Variants in CCSER1 observed in about 807,000 individuals in gnomAD.
CCSER1 encodes coiled-coil serine rich protein 1.
A neutral mutation model predicts 82.0 loss-of-function variants in CCSER1; 41 were observed. That is an observed-to-expected ratio of 0.50 (90% confidence interval 0.39 to 0.65). The LOEUF (loss-of-function observed/expected upper bound fraction) is 0.65, where lower values mean the gene tolerates loss of function less well. Ranked by LOEUF, CCSER1 falls within the 30% of genes least tolerant of loss-of-function variation. The pLI, the probability that CCSER1 is intolerant of heterozygous loss-of-function variation, is 0.00. For synonymous variants in CCSER1, 414 were observed against 383.9 expected, an observed-to-expected ratio of 1.08 and a Z score of -0.92; for missense variants, 1,119 against 1,064.2, an observed-to-expected ratio of 1.05 and a Z score of -0.72.
Position 91,326,604 on chromosome 4 carries a change from CA to C in CCSER1, c.2217+240614del, listed in dbSNP as rs1746579465. On this transcript the variant is annotated intron_variant, in intron 10 of 10. Transcript: ENST00000509176. ...CAAATTCCATGTCCTTCTCTTATTTCAAAACACAATCATGCCTTTCCAGCAG... is the reference window on the plus strand; with the variant it reads ...CAAATTCCATGTCCTTCTCTTATTTCAAACACAATCATGCCTTTCCAGCAG... Among the ~76,000 whole-genome samples the C allele has an allele frequency of 5.3e-5, 8 of 152,234 alleles. No individual in the cohort carries two copies. The South Asian group carries it at 1.7e-3, about 32-fold the overall frequency.
intron 10 of CCSER1, among the ~76,000 whole-genome samples, chr4:91,297,163 T>C (rs1744244634): frequency 1.3e-5 from 2 of 151,870 alleles, no homozygotes; most frequent in South Asian, 4.1e-4. Flanking sequence ...AGAGTGTATA[T>C]CCTCTGAGAA....
chr4:90,701,738 G>A (rs1341119695), intron 6 of CCSER1, among the ~76,000 whole-genome samples: 2 of 152,124 alleles, frequency 1.3e-5, no homozygotes, highest in Non-Finnish European at 2.9e-5. Context: ...TGAAGCAATT[G>A]TGAATGGGAG....
intron 7 of CCSER1, among the ~76,000 whole-genome samples, chr4:90,741,807 T>G (rs1746603777): frequency 6.6e-6 from 1 of 152,154 alleles, no homozygotes; most frequent in Admixed American, 6.5e-5. Context: ...AGATAGACCG[T>G]GAATATGAGA....
At chr4:91,382,492 G>A (rs1750981109) in intron 10 of CCSER1, among the ~76,000 whole-genome samples, 1 of 152,188 alleles carries the variant, frequency 6.6e-6, no homozygotes, top group Non-Finnish European at 1.5e-5. Flanking sequence ...CCATGGTCAT[G>A]GGACCCTCTG....
intron 5 of CCSER1, among the ~76,000 whole-genome samples, chr4:90,551,678 TTCTCTCTCTC>T (rs71596530): frequency 1.1e-5 from 1 of 88,568 alleles, no homozygotes; most frequent in Middle Eastern, 6.9e-3. Flanking sequence ...AAAAATATAA[TTCTCTCTCTC>T]TCTCTCTCTC....
intron 8 of CCSER1, among the ~76,000 whole-genome samples, chr4:90,884,775 G>A (rs769600048): frequency 6.6e-6 from 1 of 152,024 alleles, no homozygotes; most frequent in Non-Finnish European, 1.5e-5. Context: ...GCTGGAAGGT[G>A]AAAAACAAAC....
At chr4:90,934,310 T>C (rs1730653088) in intron 9 of CCSER1, among the ~76,000 whole-genome samples, 1 of 152,150 alleles carries the variant, frequency 6.6e-6, no homozygotes, top group African/African-American at 2.4e-5. Context: ...AAATCTAATG[T>C]TTCTAGCATC....
chr4:90,692,053 ATATATATAT>A (rs1736106403), intron 6 of CCSER1, among the ~76,000 whole-genome samples: 1 of 26,850 alleles, frequency 3.7e-5, no homozygotes, highest in Admixed American at 3.1e-4. Flanking sequence ...ATATATATAT[ATATATATAT>A]ATATATATGA....
chr4:90,989,982 A>G (rs544736444), intron 9 of CCSER1, among the ~76,000 whole-genome samples: 1 of 151,976 alleles, frequency 6.6e-6, no homozygotes, highest in Non-Finnish European at 1.5e-5. Flanking sequence ...GACCTAGGGT[A>G]CCCAGAAGAT....
chr4:90,412,549 T>G (rs112767884), intron 4 of CCSER1, among the ~76,000 whole-genome samples: 4,917 of 146,280 alleles, frequency 0.034, 95 homozygotes, highest in African/African-American at 0.058. Flanking sequence ...ACCAAAAAGA[T>G]AATCCATGAT....
chr4:91,383,190 A>G (rs1200153317), intron 10 of CCSER1, among the ~76,000 whole-genome samples: 1 of 152,182 alleles, frequency 6.6e-6, no homozygotes, highest in Non-Finnish European at 1.5e-5. Context: ...CAAACCTGCA[A>G]TATTGATGTA....
intron 3 of CCSER1, among the ~76,000 whole-genome samples, chr4:90,351,515 A>G (rs1487004787): frequency 6.6e-6 from 1 of 152,224 alleles, no homozygotes; most frequent in East Asian, 1.9e-4. Flanking sequence ...TTGAGTATAT[A>G]TAAATGGAAC....
intron 8 of CCSER1, among the ~76,000 whole-genome samples, chr4:90,877,714 AG>A (rs1233584553): frequency 2.0e-5 from 3 of 151,618 alleles, no homozygotes; most frequent in Non-Finnish European, 4.4e-5. Flanking sequence ...GGAAAAAAAA[AG>A]AAAAAAAAAA....
chr4:91,089,187 A>G (rs1581526686), intron 10 of CCSER1, among the ~76,000 whole-genome samples: 2 of 152,316 alleles, frequency 1.3e-5, no homozygotes, highest in Non-Finnish European at 2.9e-5. Context: ...TGATTGAACA[A>G]TCTAGGCGGT....
In CCSER1 at chr4:90,834,673, A is replaced by G. The variant is rs953849548; in HGVS notation, c.2094+18828A>G. On this transcript the variant is annotated intron_variant, in intron 8 of 10. Coordinates refer to ENST00000509176, the MANE Select transcript of CCSER1 (RefSeq NM_001145065.2). ...CATTTTAATCAATTTTCAAAAAAAT[A>G]CCGTGTTCAGTTACAGAAAATGGTG... is the stretch of plus-strand genomic sequence containing the variant. Among the ~76,000 whole-genome samples, 15 of 152,344 alleles carry G rather than the reference A, an allele frequency of 9.8e-5. No individual in the cohort carries two copies. In the East Asian group the frequency reaches 2.1e-3, roughly 22 times the overall value.
chr4:91,266,380 T>C (rs1311827338), intron 10 of CCSER1, among the ~76,000 whole-genome samples: 1 of 151,862 alleles, frequency 6.6e-6, no homozygotes. Context: ...AGCCTCCGAG[T>C]AGCTGGGACT....
intron 5 of CCSER1, among the ~76,000 whole-genome samples, chr4:90,484,980 G>T (rs553297666): frequency 2.0e-5 from 3 of 152,326 alleles, no homozygotes; most frequent in African/African-American, 7.2e-5. Flanking sequence ...AGAGGTGGAG[G>T]CTATGGGGCA....
At chr4:91,158,109 A>G (rs951250423) in intron 10 of CCSER1, among the ~76,000 whole-genome samples, 10 of 152,120 alleles carry the variant, frequency 6.6e-5, no homozygotes, top group Admixed American at 4.6e-4. Flanking sequence ...ATGAAGTTTC[A>G]GTGTTAGATT....
intron 3 of CCSER1, among the ~76,000 whole-genome samples, chr4:90,378,493 T>C (rs1294112536): frequency 2.6e-5 from 4 of 152,168 alleles, no homozygotes; most frequent in Non-Finnish European, 5.9e-5. Flanking sequence ...TACTGGCAAA[T>C]GATAGAGTGG....
Sources: gnomAD v4.1 joint callset for allele counts (sites outside exome capture counted in the v4.1 genomes callset) on GRCh38, gnomAD v4.1.1 for gene constraint, MANE v1.5 for transcripts, NCBI Gene and HGNC (gene_info 2026-07-23, HGNC 2026-07-21) for gene names.